Variants in KALRN observed in about 807,000 individuals in gnomAD.
The protein encoded by KALRN is kalirin RhoGEF kinase.
Under a neutral mutation model 353.7 loss-of-function variants are expected in KALRN, and 70 were observed. The ratio of observed to expected loss-of-function variants is 0.20; its 90% CI spans 0.16 to 0.24. The LOEUF is 0.24. Ranked by LOEUF, KALRN falls within the 10% of genes least tolerant of loss-of-function variation. KALRN has a pLI of 1.00. For missense variants in KALRN, 2,791 were observed against 3,756.7 expected (o/e 0.74, Z 6.72); for synonymous variants, 1,391 against 1,434.8 (o/e 0.97, Z 0.69).
At chr3:124,094,400 C>T (rs1292914837) in intron 1 of KALRN, among the ~76,000 whole-genome samples, 1 of 152,248 alleles carries the variant, frequency 6.6e-6, no homozygotes, top group Non-Finnish European at 1.5e-5. Context: ...TTCTGGCTTC[C>T]CATCCCATAT....
Position 124,333,528 on chromosome 3 carries a change from G to T in KALRN, c.1417-737G>T, listed in dbSNP as rs74375723. Among the ~76,000 whole-genome samples the T allele has an allele frequency of 0.014, 2,100 of 152,260 alleles. 88 individuals are homozygous for T. In the East Asian group the frequency reaches 0.15, roughly 11 times the overall value. ...AGAAAGAGGAGGAGAGGATTATGGTGGGAACTTACATTGACTTCATTTCTG... is the reference window on the plus strand; with the variant it reads ...AGAAAGAGGAGGAGAGGATTATGGTTGGAACTTACATTGACTTCATTTCTG... On this transcript the variant is annotated intron_variant, in intron 8 of 59. Transcript: ENST00000682506.
chr3:124,585,560 G>A (rs1001630257), intron 34 of KALRN, among the ~76,000 whole-genome samples: 52 of 152,216 alleles, frequency 3.4e-4, no homozygotes, highest in South Asian at 2.9e-3. Flanking sequence ...CTTGCAGGAA[G>A]CAACCAATTT....
intron 11 of KALRN, among the ~76,000 whole-genome samples, chr3:124,385,708 A>T (rs2088156066): frequency 2.0e-5 from 3 of 152,174 alleles, no homozygotes; most frequent in Admixed American, 2.0e-4. Context: ...AGGATAGATT[A>T]TGTTAAGCTG....
At chr3:124,490,643 C>T in intron 29 of KALRN, 51 bp from the exon 30 acceptor site, 3 of 1,560,052 alleles carry the variant, frequency 1.9e-6, no homozygotes, top group Non-Finnish European at 1.8e-6. Flanking sequence ...ACATGGCCCC[C>T]TGACTGTGGC....
chr3:124,240,678 G>A (rs568303839), intron 3 of KALRN, among the ~76,000 whole-genome samples: 5 of 152,114 alleles, frequency 3.3e-5, no homozygotes, highest in East Asian at 2.0e-4. Flanking sequence ...GCCCATTGAT[G>A]TAGTCCATGT....
At chr3:124,624,184 G>C (rs1373962071) in intron 34 of KALRN, among the ~76,000 whole-genome samples, 1 of 152,172 alleles carries the variant, frequency 6.6e-6, no homozygotes, top group East Asian at 1.9e-4. Context: ...TGCTGTATAT[G>C]CTACCTGCCC....
intron 33 of KALRN, among the ~76,000 whole-genome samples, chr3:124,505,987 A>G (rs1213665252): frequency 6.6e-6 from 1 of 152,204 alleles, no homozygotes; most frequent in African/African-American, 2.4e-5. Context: ...TGCCACAACC[A>G]AAGTGGCAGT....
At chr3:124,173,690 A>G (rs2072230424) in intron 1 of KALRN, among the ~76,000 whole-genome samples, 1 of 152,160 alleles carries the variant, frequency 6.6e-6, no homozygotes, top group African/African-American at 2.4e-5. Flanking sequence ...ATCTTGGCTC[A>G]CTGCAACCTC....
intron 34 of KALRN, among the ~76,000 whole-genome samples, chr3:124,628,551 CTTTCT>C (rs1337115978): frequency 4.4e-5 from 4 of 90,794 alleles, no homozygotes; most frequent in Non-Finnish European, 6.7e-5. Flanking sequence ...CTTTCCTTTT[CTTTCT>C]TTTCTTTTCT....
chr3:124,700,137 A>G, intron 56 of KALRN, 104 bp downstream of exon 56: 1 of 1,091,502 alleles, frequency 9.2e-7, no homozygotes, highest in African/African-American at 1.6e-5. Context: ...ACCATGCAAG[A>G]GGCACCTTTT....
At chr3:124,177,694 A>G (rs1440939929) in intron 1 of KALRN, among the ~76,000 whole-genome samples, 2 of 152,180 alleles carry the variant, frequency 1.3e-5, no homozygotes, top group Non-Finnish European at 2.9e-5. Context: ...GGGGGTCCCA[A>G]ATGAGTCAGA....
chr3:124,111,237 G>A (rs917233116), intron 1 of KALRN, among the ~76,000 whole-genome samples: 3 of 152,126 alleles, frequency 2.0e-5, no homozygotes, highest in African/African-American at 4.8e-5. Context: ...GATGGCTGCC[G>A]TAACTCCATA....
intron 34 of KALRN, among the ~76,000 whole-genome samples, chr3:124,598,608 AC>A (rs2076489892): frequency 6.6e-6 from 1 of 151,152 alleles, no homozygotes; most frequent in African/African-American, 2.4e-5. Flanking sequence ...TCCCCTCATT[AC>A]CCCCTCTGTC....
chr3:124,346,563 A>G (rs1335692108), intron 9 of KALRN, among the ~76,000 whole-genome samples: 2 of 152,170 alleles, frequency 1.3e-5, no homozygotes, highest in African/African-American at 4.8e-5. Context: ...GAGGAGGGAG[A>G]TGGAAAGAAG....
intron 4 of KALRN, among the ~76,000 whole-genome samples, chr3:124,265,405 G>A (rs2148894236): frequency 6.8e-6 from 1 of 147,474 alleles, no homozygotes; most frequent in East Asian, 2.0e-4. Context: ...TGATTCTCCT[G>A]CCTCAGCCTC....
intron 18 of KALRN, 31 bp downstream of exon 18, chr3:124,439,068 A>C: frequency 6.2e-7 from 1 of 1,600,830 alleles, no homozygotes; most frequent in Non-Finnish European, 8.5e-7. Context: ...AAGGGCTCAG[A>C]CTCCTGGCCT....
intron 6 of KALRN, among the ~76,000 whole-genome samples, chr3:124,302,860 T>C (rs896912087): frequency 2.0e-5 from 3 of 152,228 alleles, no homozygotes; most frequent in African/African-American, 4.8e-5. Flanking sequence ...TCTCTCTGTA[T>C]GTCTTAACCT....
chr3:124,051,787 C>A (rs1029829387), intron 1 of KALRN, among the ~76,000 whole-genome samples: 2 of 152,198 alleles, frequency 1.3e-5, no homozygotes, highest in Non-Finnish European at 2.9e-5. Context: ...GGAGGAGAAA[C>A]TAGTTGCCTG....
intron 50 of KALRN, chr3:124,678,543 C>T (rs1353363987): frequency 2.5e-6 from 1 of 398,168 alleles, no homozygotes; most frequent in Non-Finnish European, 4.7e-6. Flanking sequence ...TTATACCTTT[C>T]TCTTTATACT....
Sources: gnomAD v4.1 joint callset for allele counts (sites outside exome capture counted in the v4.1 genomes callset) on GRCh38, gnomAD v4.1.1 for gene constraint, MANE v1.5 for transcripts, NCBI Gene and HGNC (gene_info 2026-07-23, HGNC 2026-07-21) for gene names.